The following LRFN5 variants were observed in gnomAD, a reference collection of about 807,000 sequenced individuals.
LRFN5 encodes the protein leucine rich repeat and fibronectin type III domain containing 5, also known as leucine-rich repeat and fibronectin type-III domain-containing protein 5.
Under a neutral mutation model 45.6 loss-of-function variants are expected in LRFN5, and 24 were observed. The observed-to-expected ratio is 0.53, with a 90% CI of 0.38 to 0.74. The LOEUF (loss-of-function observed/expected upper bound fraction) is 0.74. Ranked by LOEUF, LRFN5 falls within the 30% of genes least tolerant of loss-of-function variation. The pLI, the probability that LRFN5 is intolerant of heterozygous loss-of-function variation, is 0.00. For missense variants in LRFN5, 776 were observed against 861.5 expected, an observed-to-expected ratio of 0.90 and a Z score of 1.24; for synonymous variants, 340 against 313.8, an observed-to-expected ratio of 1.08 and a Z score of -0.88.
chr14:41,776,515 T>A (rs1239760043), intron 2 of LRFN5, among the ~76,000 whole-genome samples: 3 of 152,266 alleles, frequency 2.0e-5, no homozygotes, highest in African/African-American at 7.2e-5. Flanking sequence ...TATGGATGCC[T>A]TAATTTAGTG....
At position 41,795,720 on chromosome 14, in the gene LRFN5, G is replaced by A. The variant is rs868582328; in HGVS notation, c.-21+28691G>A. 7.2e-5 allele frequency among the ~76,000 whole-genome samples: 11 copies of A among 151,852 alleles called. No homozygotes were observed. The Middle Eastern group carries it at 0.01, about 142-fold the overall frequency. ...ATGTTCTCACTCATAGGTGGGAATT[G>A]AACAATGAAAACACTTGGACACAGA... is the stretch of plus-strand genomic sequence containing the variant. On this transcript the variant is annotated intron_variant, in intron 2 of 5. Transcript: ENST00000298119.
At chr14:41,865,989 T>C (rs1319854010) in intron 2 of LRFN5, among the ~76,000 whole-genome samples, 3 of 152,196 alleles carry the variant, frequency 2.0e-5, no homozygotes, top group African/African-American at 7.2e-5. Flanking sequence ...TCAACTACTT[T>C]TTCTGATCTT....
intron 2 of LRFN5, among the ~76,000 whole-genome samples, chr14:41,866,847 A>AC (rs1361750216): frequency 6.6e-6 from 1 of 152,182 alleles, no homozygotes; most frequent in African/African-American, 2.4e-5. Flanking sequence ...TAACATAGAC[A>AC]CATATCAGTG....
intron 1 of LRFN5, among the ~76,000 whole-genome samples, chr14:41,642,513 A>G (rs1039536120): frequency 2.6e-5 from 4 of 152,292 alleles, no homozygotes; most frequent in Admixed American, 6.5e-5. Context: ...GCATAGGTCA[A>G]CTTTCCTGGC....
intron 2 of LRFN5, among the ~76,000 whole-genome samples, chr14:41,856,427 TAGAG>T (rs561489473): frequency 5.7e-4 from 87 of 152,146 alleles, no homozygotes; most frequent in South Asian, 1.7e-3. Context: ...CTATCTCTAA[TAGAG>T]AAAGACATTT....
intron 1 of LRFN5, among the ~76,000 whole-genome samples, chr14:41,641,374 A>G (rs1594574161): frequency 6.6e-6 from 1 of 151,966 alleles, no homozygotes; most frequent in African/African-American, 2.4e-5. Flanking sequence ...CATTAAGACA[A>G]TTTTTCCCGT....
Position 41,795,589 on chromosome 14 carries a change from T to C in LRFN5, c.-21+28560T>C, listed in dbSNP as rs1243202774. Reference sequence around the variant, plus strand: ...GGCACATATACACCATGGAATGCTATGCAGCCATAAAAAATGATGAGTTCA... The same window carrying C: ...GGCACATATACACCATGGAATGCTACGCAGCCATAAAAAATGATGAGTTCA... On this transcript the variant is annotated intron_variant, in intron 2 of 5. Coordinates refer to ENST00000298119, the MANE Select transcript of LRFN5 (RefSeq NM_152447.5). Among the ~76,000 whole-genome samples the C allele has an allele frequency of 3.3e-5, 5 of 152,052 alleles. No homozygotes were observed. The East Asian group carries it at 7.8e-4, about 24-fold the overall frequency.
At chr14:41,786,313 A>G (rs1886718202) in intron 2 of LRFN5, among the ~76,000 whole-genome samples, 1 of 152,080 alleles carries the variant, frequency 6.6e-6, no homozygotes, top group African/African-American at 2.4e-5. Context: ...ATAAGTCCAC[A>G]GGTGATGAAT....
At chr14:41,755,858 C>T (rs1379294596) in intron 1 of LRFN5, among the ~76,000 whole-genome samples, 1 of 152,138 alleles carries the variant, frequency 6.6e-6, no homozygotes, top group Non-Finnish European at 1.5e-5. Context: ...TTCTTCTTAG[C>T]CTCGATGGTC....
intron 1 of LRFN5, among the ~76,000 whole-genome samples, chr14:41,755,119 G>T (rs1885315131): frequency 6.6e-6 from 1 of 152,112 alleles, no homozygotes; most frequent in East Asian, 1.9e-4. Context: ...ATTGCACTGT[G>T]GTCTGCGAGA....
intron 1 of LRFN5, among the ~76,000 whole-genome samples, chr14:41,616,597 C>A (rs1164988003): frequency 6.6e-6 from 1 of 152,008 alleles, no homozygotes; most frequent in Non-Finnish European, 1.5e-5. Flanking sequence ...TTATCTAATT[C>A]CTAAAAGAGG....
At chr14:41,834,917 C>T (rs1423308034) in intron 2 of LRFN5, among the ~76,000 whole-genome samples, 1 of 151,918 alleles carries the variant, frequency 6.6e-6, no homozygotes, top group Non-Finnish European at 1.5e-5. Context: ...CCTACCTTAG[C>T]CTCCCAAAGT....
chr14:41,871,795 T>G (rs1020386900), intron 2 of LRFN5, among the ~76,000 whole-genome samples: 2 of 152,140 alleles, frequency 1.3e-5, no homozygotes, highest in African/African-American at 4.8e-5. Context: ...ATTAATTTAT[T>G]ATCTCTTATC....
chr14:41,762,214 T>C (rs1483365509), intron 1 of LRFN5, among the ~76,000 whole-genome samples: 6 of 151,916 alleles, frequency 3.9e-5, no homozygotes, highest in African/African-American at 1.4e-4. Flanking sequence ...TTTCTGTTAG[T>C]TGTTAACAAG....
chr14:41,893,538 A>G (rs1001465059), intron 4 of LRFN5: 2 of 984,952 alleles, frequency 2.0e-6, no homozygotes, highest in Non-Finnish European at 2.4e-6. Flanking sequence ...ACACACAGTA[A>G]AAGTTTATTA....
intron 1 of LRFN5, among the ~76,000 whole-genome samples, chr14:41,759,464 C>T (rs1885558468): frequency 1.5e-5 from 1 of 65,408 alleles, no homozygotes; most frequent in Admixed American, 1.6e-4. Context: ...CACACACACA[C>T]ACACACACAC....
At chr14:41,667,399 C>G (rs940685037) in intron 1 of LRFN5, among the ~76,000 whole-genome samples, 2 of 152,176 alleles carry the variant, frequency 1.3e-5, no homozygotes, top group Non-Finnish European at 2.9e-5. Context: ...CTGTCTAATA[C>G]AGCAGCCATA....
intron 4 of LRFN5, chr14:41,892,394 G>C (rs990259687): frequency 1.0e-6 from 1 of 985,022 alleles, no homozygotes; most frequent in African/African-American, 1.7e-5. Context: ...TGACATAGCA[G>C]CAGTGCCTTT....
At chr14:41,814,577 C>T (rs1887851921) in intron 2 of LRFN5, among the ~76,000 whole-genome samples, 1 of 151,984 alleles carries the variant, frequency 6.6e-6, no homozygotes, top group East Asian at 1.9e-4. Flanking sequence ...AAACTGTTGG[C>T]CTTATTTCTT....
Sources: gnomAD v4.1 joint callset for allele counts (sites outside exome capture counted in the v4.1 genomes callset) on GRCh38, gnomAD v4.1.1 for gene constraint, MANE v1.5 for transcripts, NCBI Gene and HGNC (gene_info 2026-07-23, HGNC 2026-07-21) for gene names.